The following TDRD5 variants were observed in gnomAD, a reference collection of about 807,000 sequenced individuals.
TDRD5 encodes tudor domain-containing protein 5.
A neutral mutation model predicts 120.6 loss-of-function variants in TDRD5; 41 were observed. The observed-to-expected ratio is 0.34, with a 90% CI of 0.26 to 0.44. TDRD5 has a LOEUF of 0.44. TDRD5 is among the 20% of genes least tolerant of loss of function. TDRD5 has a pLI of 1.00. For synonymous variants in TDRD5, 430 were observed against 433.7 expected (o/e 0.99, Z 0.11); for missense variants, 1,006 against 1,221.2 (o/e 0.82, Z 2.63).
At chr1:179,634,097 G>T (rs1677617221) in intron 7 of TDRD5, among the ~76,000 whole-genome samples, 1 of 151,692 alleles carries the variant, frequency 6.6e-6, no homozygotes, top group Admixed American at 6.6e-5. Context: ...TGTGAACCCA[G>T]GAGGCGGAAC....
At chr1:179,662,311 G>A in intron 15 of TDRD5, 25 bp downstream of exon 15, 2 of 1,594,816 alleles carry the variant, frequency 1.3e-6, no homozygotes. Flanking sequence ...AAAATAGAAA[G>A]CAAATCAGGC....
chr1:179,662,531 G>A (rs559470003), intron 15 of TDRD5, among the ~76,000 whole-genome samples: 1 of 152,116 alleles, frequency 6.6e-6, no homozygotes, highest in South Asian at 2.1e-4. Flanking sequence ...GGAGCTGGAG[G>A]TTGCAGTGAG....
intron 6 of TDRD5, among the ~76,000 whole-genome samples, chr1:179,625,130 CAA>C (rs1335101585): frequency 9.9e-5 from 12 of 120,688 alleles, no homozygotes; most frequent in Admixed American, 2.5e-4. Flanking sequence ...CAACTGAATA[CAA>C]AAAAAAAAAA....
At chr1:179,626,569 A>ATTTCTAG (rs1210494907) in intron 6 of TDRD5, among the ~76,000 whole-genome samples, 6 of 152,198 alleles carry the variant, frequency 3.9e-5, no homozygotes. Flanking sequence ...ATTTCTAGTT[A>ATTTCTAG]ATGCTGTACG....
chr1:179,593,676 T>C lies in TDRD5; in HGVS notation c.449T>C (p.Leu150Pro). 6.2e-7 allele frequency: 1 copy of C among 1,614,274 alleles called. No individual in the cohort carries two copies. Among genetic ancestry groups the C allele is most frequent in the Non-Finnish European group, 8.5e-7 (1 of 1,180,050 alleles). The change falls in exon 3 of 18, where the codon CTT becomes CCT. Residue 150 changes from leucine to proline, a missense_variant. By Grantham distance (98) the Leu-to-Pro change is moderately conservative (BLOSUM62 -3). Around this residue, in one of 3 missense-constraint regions of TDRD5, gnomAD observed 445 missense variants for 515.5 expected, o/e 0.86. Coordinates refer to ENST00000444136, the MANE Select transcript of TDRD5 (RefSeq NM_001199085.3). ...KDLLALSPVL[L>P]SDFEKAFAKR... ...CTGTTGGCGTTATCTCCTGTTCTTC[T>C]TTCTGATTTTGAAAAGGCATTTGCC...
rs773920046 is a variant in TDRD5, at chr1:179,634,454, T to C, written c.1127-3T>C. On this transcript the variant is annotated splice_polypyrimidine_tract_variant and splice_region_variant and intron_variant, in intron 7 of 17. Coordinates refer to ENST00000444136, the MANE Select transcript of TDRD5 (RefSeq NM_001199085.3). ...GTTTCATCAGTCGGAAATTTGTGTTTAGTTCAGTCAGATAAGAAAATAGAA... is the reference window on the plus strand; with the variant it reads ...GTTTCATCAGTCGGAAATTTGTGTTCAGTTCAGTCAGATAAGAAAATAGAA... 6.3e-7 allele frequency: 1 copy of C among 1,590,630 alleles called. No homozygotes were observed. Among genetic ancestry groups the C allele is most frequent in the Non-Finnish European group, 8.5e-7 (1 of 1,174,044 alleles).
chr1:179,687,829 G>T (rs1404902951), intron 17 of TDRD5, among the ~76,000 whole-genome samples: 1 of 148,706 alleles, frequency 6.7e-6, no homozygotes. Flanking sequence ...ATCTTTGTTG[G>T]TTTAAAGTCT....
intron 6 of TDRD5, among the ~76,000 whole-genome samples, chr1:179,623,175 T>G (rs968940574): frequency 1.1e-4 from 17 of 152,180 alleles, no homozygotes; most frequent in African/African-American, 3.4e-4. Flanking sequence ...GATAGACATT[T>G]TCAGGTAATC....
chr1:179,643,040 C>T (rs1280666095), intron 11 of TDRD5, among the ~76,000 whole-genome samples: 2 of 152,134 alleles, frequency 1.3e-5, no homozygotes, highest in Non-Finnish European at 2.9e-5. Context: ...TGGATGAGTT[C>T]CCAAATCATT....
intron 4 of TDRD5, among the ~76,000 whole-genome samples, chr1:179,600,526 A>G (rs1311321360): frequency 6.6e-6 from 1 of 152,198 alleles, no homozygotes; most frequent in Non-Finnish European, 1.5e-5. Flanking sequence ...ATCACCTAAT[A>G]ATGCATTTCT....
At chr1:179,642,555 C>G (rs989882452) in intron 11 of TDRD5, among the ~76,000 whole-genome samples, 1 of 152,186 alleles carries the variant, frequency 6.6e-6, no homozygotes, top group Admixed American at 6.5e-5. Context: ...TTTGACCTGA[C>G]AATTAAAAAT....
chr1:179,599,761 A>G (rs2101915672), intron 4 of TDRD5, among the ~76,000 whole-genome samples: 1 of 152,264 alleles, frequency 6.6e-6, no homozygotes, highest in East Asian at 1.9e-4. Context: ...GCACCACATA[A>G]TGACACTTGT....
At chr1:179,631,978 C>T (rs1677481259) in intron 7 of TDRD5, among the ~76,000 whole-genome samples, 1 of 149,826 alleles carries the variant, frequency 6.7e-6, no homozygotes, top group South Asian at 2.1e-4. Flanking sequence ...GTGATCTTGG[C>T]TCACTGCAAC....
chr1:179,664,918 G>A (rs940508742), intron 16 of TDRD5, among the ~76,000 whole-genome samples: 7 of 152,104 alleles, frequency 4.6e-5, no homozygotes, highest in Non-Finnish European at 1.0e-4. Flanking sequence ...CCCCCCAGCA[G>A]TGTATGAGGG....
At chr1:179,670,121 A>AAG (rs1679779242) in intron 17 of TDRD5, among the ~76,000 whole-genome samples, 1 of 152,122 alleles carries the variant, frequency 6.6e-6, no homozygotes, top group African/African-American at 2.4e-5. Context: ...GCTGGGCACG[A>AAG]TGGCTCACGC....
At chr1:179,621,503 T>C (rs1222689494) in intron 6 of TDRD5, among the ~76,000 whole-genome samples, 1 of 152,062 alleles carries the variant, frequency 6.6e-6, no homozygotes, top group Non-Finnish European at 1.5e-5. Context: ...ATTTGCACTC[T>C]AGAGAAACTC....
intron 5 of TDRD5, among the ~76,000 whole-genome samples, chr1:179,620,495 G>A (rs1329169486): frequency 6.6e-6 from 1 of 152,028 alleles, no homozygotes. Flanking sequence ...CAGTGAAAAT[G>A]TTTATGTTTT....
intron 13 of TDRD5, among the ~76,000 whole-genome samples, chr1:179,653,861 A>G (rs56376309): frequency 0.3 from 45,691 of 152,080 alleles, 7,798 homozygotes; most frequent in Admixed American, 0.4. Context: ...TCTTCTATCA[A>G]TCATATTTTT....
intron 17 of TDRD5, among the ~76,000 whole-genome samples, chr1:179,675,212 T>G (rs1421488099): frequency 1.3e-5 from 2 of 151,224 alleles, no homozygotes; most frequent in African/African-American, 4.8e-5. Flanking sequence ...TTCTGCTGTA[T>G]TCCAGAGGTT....
Sources: allele counts gnomAD v4.1 joint callset (sites outside exome capture counted in the v4.1 genomes callset), GRCh38; gene constraint gnomAD v4.1.1; regional missense constraint gnomAD v4.1.1; transcripts MANE v1.5; gene names NCBI Gene and HGNC (gene_info 2026-07-23, HGNC 2026-07-21).